The following ZFPM2 variants were observed in gnomAD, a reference collection of about 807,000 sequenced individuals.
ZFPM2 encodes the protein zinc finger protein ZFPM2.
A neutral mutation model predicts 98.6 loss-of-function variants in ZFPM2; 20 were observed. The observed-to-expected ratio is 0.20, with a 90% CI of 0.14 to 0.29. ZFPM2 has a LOEUF of 0.29. Among genes scored for constraint, ZFPM2 ranks in the 10% least tolerant of loss-of-function variants. ZFPM2 has a pLI of 1.00. For missense variants in ZFPM2, 1,310 were observed against 1,388.6 expected (o/e 0.94, Z 0.90); for synonymous variants, 518 against 502.7 (o/e 1.03, Z -0.41).
intron 4 of ZFPM2, 64 bp from the exon 5 acceptor site, chr8:105,634,178 ACAGT>A: frequency 1.7e-6 from 2 of 1,147,708 alleles, no homozygotes; most frequent in Non-Finnish European, 2.6e-6. Flanking sequence ...AATGATTAGT[ACAGT>A]TATTATTCAA....
At chr8:105,446,666 A>C (rs1179578354) in intron 3 of ZFPM2, among the ~76,000 whole-genome samples, 1 of 152,076 alleles carries the variant, frequency 6.6e-6, no homozygotes, top group Non-Finnish European at 1.5e-5. Context: ...AAAACTTTAT[A>C]CTCTTTTCTG....
chr8:105,402,027 G>A (rs1455457377), intron 1 of ZFPM2, among the ~76,000 whole-genome samples: 1 of 151,978 alleles, frequency 6.6e-6, no homozygotes, highest in Non-Finnish European at 1.5e-5. Flanking sequence ...TCCTCAATAT[G>A]GCATTGTAGT....
intron 1 of ZFPM2, among the ~76,000 whole-genome samples, chr8:105,379,783 C>T (rs1349652338): frequency 2.0e-5 from 3 of 150,424 alleles, no homozygotes; most frequent in Non-Finnish European, 4.4e-5. Flanking sequence ...TTTACATTGA[C>T]TGTAAGAACC....
intron 4 of ZFPM2, among the ~76,000 whole-genome samples, chr8:105,604,896 C>T (rs2130789467): frequency 6.6e-6 from 1 of 152,128 alleles, no homozygotes; most frequent in Non-Finnish European, 1.5e-5. Flanking sequence ...TCCACAAGGA[C>T]AGATTATCTT....
chr8:105,632,656 A>G (rs980478218), intron 4 of ZFPM2, among the ~76,000 whole-genome samples: 2 of 152,224 alleles, frequency 1.3e-5, no homozygotes, highest in Non-Finnish European at 2.9e-5. Context: ...ACTGATAACA[A>G]TAGGGATAAC....
intron 3 of ZFPM2, among the ~76,000 whole-genome samples, chr8:105,555,715 A>C (rs1223232118): frequency 7.2e-5 from 11 of 152,166 alleles, no homozygotes; most frequent in Admixed American, 7.2e-4. Flanking sequence ...TTGGACTATA[A>C]ATGCAATGGG....
At chr8:105,781,243 G>A (rs764696435) in intron 5 of ZFPM2, among the ~76,000 whole-genome samples, 46 of 152,158 alleles carry the variant, frequency 3.0e-4, no homozygotes, top group Non-Finnish European at 5.4e-4. Flanking sequence ...TGGTTAGGTC[G>A]AATCTTGATG....
intron 3 of ZFPM2, among the ~76,000 whole-genome samples, chr8:105,470,463 A>G (rs1237619411): frequency 6.6e-6 from 1 of 152,236 alleles, no homozygotes; most frequent in Non-Finnish European, 1.5e-5. Flanking sequence ...ACAACATGGA[A>G]GTGGTAGCTT....
intron 5 of ZFPM2, among the ~76,000 whole-genome samples, chr8:105,739,493 A>T (rs1011677551): frequency 6.6e-6 from 1 of 152,030 alleles, no homozygotes; most frequent in African/African-American, 2.4e-5. Context: ...TCTATTTATG[A>T]ATATTCATTT....
At chr8:105,576,166 G>C (rs549726131) in intron 4 of ZFPM2, among the ~76,000 whole-genome samples, 1 of 152,074 alleles carries the variant, frequency 6.6e-6, no homozygotes, top group African/African-American at 2.4e-5. Flanking sequence ...TACAGCACAC[G>C]GTAATAATAT....
chr8:105,548,353 G>A (rs1050672658), intron 3 of ZFPM2, among the ~76,000 whole-genome samples: 1 of 151,964 alleles, frequency 6.6e-6, no homozygotes, highest in Non-Finnish European at 1.5e-5. Context: ...TAAGTTAAAA[G>A]CAATTTAAAA....
intron 1 of ZFPM2, among the ~76,000 whole-genome samples, chr8:105,354,237 A>T (rs891819390): frequency 6.6e-6 from 1 of 152,262 alleles, no homozygotes; most frequent in Non-Finnish European, 1.5e-5. Context: ...CACTGAAATC[A>T]GCAGTAGAAC....
At chr8:105,640,428 A>ATT (rs1338315003) in intron 5 of ZFPM2, among the ~76,000 whole-genome samples, 1 of 152,064 alleles carries the variant, frequency 6.6e-6, no homozygotes, top group Non-Finnish European at 1.5e-5. Context: ...AATCATGTAG[A>ATT]CGGCTGCACA....
At chr8:105,695,836 T>G (rs1165641026) in intron 5 of ZFPM2, among the ~76,000 whole-genome samples, 1 of 152,136 alleles carries the variant, frequency 6.6e-6, no homozygotes, top group Non-Finnish European at 1.5e-5. Flanking sequence ...TTTTCTTCTC[T>G]TTTCTAAGTG....
chr8:105,592,046 G>A (rs1815857023), intron 4 of ZFPM2, among the ~76,000 whole-genome samples: 1 of 151,728 alleles, frequency 6.6e-6, no homozygotes, highest in Non-Finnish European at 1.5e-5. Context: ...AGGCTTACAA[G>A]GCATTATGAA....
intron 3 of ZFPM2, among the ~76,000 whole-genome samples, chr8:105,541,357 C>T (rs1242644635): frequency 6.6e-6 from 1 of 152,118 alleles, no homozygotes; most frequent in Non-Finnish European, 1.5e-5. Flanking sequence ...AATAGCAAAG[C>T]TGGAATTCAG....
chr8:105,701,194 T>C (rs1273938313), intron 5 of ZFPM2, among the ~76,000 whole-genome samples: 1 of 152,224 alleles, frequency 6.6e-6, no homozygotes, highest in Non-Finnish European at 1.5e-5. Flanking sequence ...TGAAATATAT[T>C]TTTAGACATC....
intron 7 of ZFPM2, among the ~76,000 whole-genome samples, 164 bp from the exon 8 acceptor site, chr8:105,800,883 T>C (rs1813979335): frequency 1.3e-5 from 2 of 152,218 alleles, no homozygotes; most frequent in African/African-American, 4.8e-5. Flanking sequence ...AATATTATCA[T>C]ACACAGTAAG....
chr8:105,652,811 C>T (rs1159328604), intron 5 of ZFPM2, among the ~76,000 whole-genome samples: 1 of 152,190 alleles, frequency 6.6e-6, no homozygotes, highest in East Asian at 1.9e-4. Context: ...TTTCTGTTCA[C>T]CTCTCCCCGA....
Sources: allele counts gnomAD v4.1 joint callset (sites outside exome capture counted in the v4.1 genomes callset), GRCh38; gene constraint gnomAD v4.1.1; transcripts MANE v1.5; gene names NCBI Gene and HGNC (gene_info 2026-07-23, HGNC 2026-07-21).